Variants in FCRL3 observed in about 807,000 individuals in gnomAD.
The protein encoded by FCRL3 is Fc receptor like 3.
FCRL3 carries 89 observed loss-of-function variants against 75.0 expected under a neutral mutation model. The ratio of observed to expected loss-of-function variants is 1.19; its 90% confidence interval spans 1.00 to 1.42. The LOEUF (loss-of-function observed/expected upper bound fraction) is 1.42, where lower values mean the gene tolerates loss of function less well. Ranked by LOEUF, FCRL3 falls within the 40% of genes most tolerant of loss-of-function variation. The pLI is 0.00. For missense variants in FCRL3, 946 were observed against 880.0 expected, an observed-to-expected ratio of 1.07 and a Z score of -0.95; for synonymous variants, 376 against 348.5, an observed-to-expected ratio of 1.08 and a Z score of -0.88.
chr1:157,692,742 A>G (rs192941390), intron 8 of FCRL3, among the ~76,000 whole-genome samples: 8 of 152,348 alleles, frequency 5.3e-5, no homozygotes, highest in African/African-American at 1.9e-4. Context: ...GACAATGTTA[A>G]TACTTAGCAA....
At chr1:157,686,092 A>G (rs1403129305) in intron 10 of FCRL3, among the ~76,000 whole-genome samples, 1 of 152,116 alleles carries the variant, frequency 6.6e-6, no homozygotes, top group African/African-American at 2.4e-5. Flanking sequence ...TGCCAAGAGT[A>G]AGGTTTCAGG....
intron 13 of FCRL3, 103 bp from the exon 14 acceptor site, chr1:157,679,076 T>A: frequency 7.6e-7 from 1 of 1,312,280 alleles, no homozygotes; most frequent in Non-Finnish European, 1.1e-6. Context: ...TTGATTTGCT[T>A]GATCTCTTGC....
chr1:157,693,761 T>TTCC (rs1425095868), intron 8 of FCRL3, among the ~76,000 whole-genome samples: 1 of 151,808 alleles, frequency 6.6e-6, no homozygotes, highest in African/African-American at 2.4e-5. Flanking sequence ...TCTTTCTTCC[T>TTCC]TTCGTTGACA....
chr1:157,690,633 C>G, intron 8 of FCRL3, 100 bp from the exon 9 acceptor site: 1 of 1,432,580 alleles, frequency 7.0e-7, no homozygotes, highest in African/African-American at 1.4e-5. Context: ...CGGGAACATG[C>G]ACCTGGATTC....
rs184516759 is a variant in FCRL3 at position 157,692,296 on chromosome 1, T to G, written c.1412-1763A>C. ...CTCTGTTGCCCAGCCTGGAGTACAG[T>G]GGTGCAATCATGACTCACTGAAGCC... On this transcript the variant is annotated intron_variant, in intron 8 of 14. Coordinates refer to ENST00000368184, the MANE Select transcript of FCRL3 (RefSeq NM_052939.4). Among the ~76,000 whole-genome samples the G allele has an allele frequency of 1.1e-4, 17 of 152,296 alleles. No homozygotes were observed. In the East Asian group the frequency reaches 3.3e-3, roughly 29 times the overall value.
chr1:157,697,736 T>A lies in FCRL3; in HGVS notation c.482A>T (p.Tyr161Phe), dbSNP rs778275247. ...VNSVSRDNSK[Y>F]HCTAYRKFYI... is the part of the protein sequence containing the mutation. The stretch of plus-strand genomic sequence containing the variant: ...AAACTTCCTATAAGCAGTACAATGA[T>A]ATTTGCTATTATCCCTGGAGACTGA... Residue 161 changes from tyrosine to phenylalanine, a missense_variant, in exon 5 of 15, where the codon TAT (tyrosine) becomes TTT (phenylalanine). Coordinates refer to ENST00000368184, the MANE Select transcript of FCRL3 (RefSeq NM_052939.4). The A allele has an allele frequency of 1.9e-6, 3 of 1,613,926 alleles. No homozygotes were observed. The highest frequency in any genetic ancestry group is 2.5e-6 in the Non-Finnish European group (3 of 1,179,812).
At chr1:157,682,842 T>C (rs1654932815) in intron 11 of FCRL3, among the ~76,000 whole-genome samples, 1 of 152,208 alleles carries the variant, frequency 6.6e-6, no homozygotes, top group Admixed American at 6.5e-5. Flanking sequence ...ATATTGTGAA[T>C]TGAACATTGC....
rs768948993 is a variant in FCRL3, at chr1:157,689,785, C to A, written c.1810+13G>T. The A allele has an allele frequency of 5.0e-6, 8 of 1,614,110 alleles. No individual in the cohort carries two copies. Among genetic ancestry groups the A allele is most frequent in the Non-Finnish European group, 6.8e-6 (8 of 1,180,000 alleles). ...GGCAAAATCACATCACAAGGTAGGA[C>A]CTAGACACCCACCTGGTTTCCTTCG... On this transcript the variant is annotated intron_variant, in intron 10 of 14. Transcript: ENST00000368184.
rs754133430 is a variant in FCRL3, at chr1:157,698,449, C to T, written c.233G>A (p.Gly78Glu). Reference sequence around the variant, plus strand: ...TCCTCGGGTCTTACATTGGTAATTTCCAGGCTCTGTAATTTGGATCTTGTC... The same window carrying T: ...TCCTCGGGTCTTACATTGGTAATTTTCAGGCTCTGTAATTTGGATCTTGTC... ...KHDKIQITEP[G>E]NYQCKTRGSS... The change falls in exon 4 of 15, where the codon GGA becomes GAA. Residue 78 changes from glycine to glutamate, a missense_variant. Gly to Glu is a moderately conservative substitution (Grantham distance 98). Transcript: ENST00000368184. 46 of 1,614,086 alleles carry T rather than the reference C, an allele frequency of 2.8e-5. No individual in the cohort carries two copies. The highest frequency in any genetic ancestry group is 3.6e-5 in the Non-Finnish European group (43 of 1,180,040).
chr1:157,685,091 T>C (rs551990065), intron 10 of FCRL3, among the ~76,000 whole-genome samples: 1 of 152,070 alleles, frequency 6.6e-6, no homozygotes, highest in Non-Finnish European at 1.5e-5. Flanking sequence ...TTCACATGGA[T>C]CATGTGAAAT....
rs1656030682 is a variant in FCRL3 at position 157,697,671 on chromosome 1, T to C, written c.547A>G (p.Ile183Val). The stretch of plus-strand genomic sequence containing the variant: ...ATCTAGCCATTACCTTGAACTTGGA[T>C]ATTTAGGGGTTTTGAAGTTACTTCA... The part of the protein sequence containing the change: ...DIEVTSKPLN[I>V]QVQELFLHPV... The change falls in exon 5 of 15, where the codon ATC (isoleucine) becomes GTC (valine). Residue 183 changes from isoleucine to valine, a missense_variant. Physicochemically the swap from Ile to Val is conservative, Grantham distance 29 (BLOSUM62 3). Transcript: ENST00000368184. The C allele has an allele frequency of 6.2e-7, 1 of 1,613,070 alleles. No individual in the cohort carries two copies. Among genetic ancestry groups the C allele is most frequent in the Admixed American group, 1.7e-5 (1 of 59,898 alleles).
chr1:157,680,932 C>T, intron 12 of FCRL3, 49 bp downstream of exon 12: 1 of 1,505,522 alleles, frequency 6.6e-7, no homozygotes, highest in Non-Finnish European at 9.0e-7. Context: ...AATCCCTCTT[C>T]CCTCCCTGGC....
intron 10 of FCRL3, among the ~76,000 whole-genome samples, chr1:157,685,829 C>A (rs377525594): frequency 6.6e-4 from 100 of 152,122 alleles, no homozygotes; most frequent in African/African-American, 2.3e-3. Flanking sequence ...GGAAATTAGA[C>A]AACTTACTCC....
Position 157,680,999 on chromosome 1 carries a change from C to T in FCRL3, c.1939G>A (p.Glu647Lys). The T allele has an allele frequency of 6.3e-7, 1 of 1,593,012 alleles. No homozygotes were observed. ...HSKPLAPMEL[E>K]PMYSNVNPGD... The stretch of plus-strand genomic sequence containing the variant: ...TCCTCACCATTGCTGTACATTGGCT[C>T]CAGCTCCATTGGGGCTAGTGGTTTA... Residue 647 changes from glutamate (E) to lysine (K), a missense_variant, in exon 12 of 15, where the codon GAG becomes AAG. Glu to Lys is a moderately conservative substitution (Grantham distance 56). Transcript: ENST00000368184.
Position 157,699,863 on chromosome 1 carries a change from A to G in FCRL3, c.32-151T>C, listed in dbSNP as rs111287874. ...TAAACAACAAAGAAAATGTCATATA[A>G]TGTATTTTACAAACGTGATGGCTTA... On this transcript the variant is annotated intron_variant, in intron 2 of 14. Coordinates refer to ENST00000368184, the MANE Select transcript of FCRL3 (RefSeq NM_052939.4). 1.7e-4 allele frequency: 147 copies of G among 846,076 alleles called. No individual in the cohort carries two copies. The African/African-American group carries it at 2.2e-3, about 13-fold the overall frequency. The allele number at this position is 846,076 out of a possible 1,614,324, so 52.4% of individuals were successfully genotyped here.
Position 157,677,447 on chromosome 1 carries a change from T to C in FCRL3, c.*1263A>G. On this transcript the variant is annotated 3_prime_UTR_variant, in exon 15 of 15. Coordinates refer to ENST00000368184, the MANE Select transcript of FCRL3 (RefSeq NM_052939.4). ...CAACATTCAGAGATTAATGTTAATATAATCTCAGTTGTCCCTAGGACTTGA... is the reference window on the plus strand; with the variant it reads ...CAACATTCAGAGATTAATGTTAATACAATCTCAGTTGTCCCTAGGACTTGA... The C allele has an allele frequency of 1.0e-6, 1 of 985,482 alleles. No individual in the cohort carries two copies. The allele number at this position is 985,482 out of a possible 1,614,324, so 61.0% of individuals were successfully genotyped here. A position where few individuals can be genotyped will look rare whatever the true frequency, so the allele number is the denominator to read the frequency against.
chr1:157,691,035 G>GTATGTATCTATC (rs1445038353), intron 8 of FCRL3, among the ~76,000 whole-genome samples: 75 of 151,662 alleles, frequency 4.9e-4, no homozygotes, highest in African/African-American at 1.6e-3. Context: ...ATGTATGTAT[G>GTATGTATCTATC]TATCTATCTA....
At chr1:157,695,771 A>C (rs1655850923) in intron 7 of FCRL3, 164 bp from the exon 8 acceptor site, 2 of 940,258 alleles carry the variant, frequency 2.1e-6, no homozygotes, top group Admixed American at 2.9e-5. Flanking sequence ...TCCCCAAAAC[A>C]GTGAGAGGTA....
chr1:157,700,324 C>T, intron 2 of FCRL3, 135 bp downstream of exon 2: 1 of 1,339,860 alleles, frequency 7.5e-7, no homozygotes, highest in Non-Finnish European at 1.0e-6. Context: ...CCAGGGAACC[C>T]AGCTCTGCTC....
Sources: allele counts gnomAD v4.1 joint callset (sites outside exome capture counted in the v4.1 genomes callset), GRCh38; gene constraint gnomAD v4.1.1; transcripts MANE v1.5; gene names NCBI Gene and HGNC (gene_info 2026-07-23, HGNC 2026-07-21).